The following TNFSF9 variants were observed in gnomAD, a reference collection of about 807,000 sequenced individuals.
The protein encoded by TNFSF9 is tumor necrosis factor ligand superfamily member 9.
TNFSF9 carries 10 observed loss-of-function variants against 10.3 expected under a neutral mutation model. The ratio of observed to expected loss-of-function variants is 0.97; its 90% CI spans 0.60 to 1.65. The LOEUF (loss-of-function observed/expected upper bound fraction) is 1.65, where lower values mean the gene tolerates loss of function less well. TNFSF9 is among the 40% of genes most tolerant of loss of function. The pLI is 0.00. For synonymous variants in TNFSF9, 195 were observed against 176.1 expected (o/e 1.11, Z -0.85); for missense variants, 361 against 348.9 (o/e 1.03, Z -0.28).
At chr19:6,534,039 C>T (rs1915209771) in intron 2 of TNFSF9, among the ~76,000 whole-genome samples, 1 of 134,076 alleles carries the variant, frequency 7.5e-6, no homozygotes, top group African/African-American at 2.7e-5. Flanking sequence ...AGCTCCCTGT[C>T]CACCTCTCCT....
chr19:6,532,514 T>TGTGTGTGTGTTC (rs1915170766), intron 1 of TNFSF9, among the ~76,000 whole-genome samples: 1 of 146,546 alleles, frequency 6.8e-6, no homozygotes, highest in Non-Finnish European at 1.5e-5. Flanking sequence ...TGTGTGTGTT[T>TGTGTGTGTGTTC]GTGTTTGCGT....
chr19:6,535,234 G>A lies in TNFSF9; in HGVS notation c.*168G>A, dbSNP rs920278775. 2.0e-5 allele frequency: 10 copies of A among 508,180 alleles called. No individual in the cohort carries two copies. In the African/African-American group the frequency reaches 2.0e-4, roughly 10 times the overall value. 31.5% of individuals were successfully genotyped at this position (508,180 alleles called of 1,614,324 possible). On this transcript the variant is annotated 3_prime_UTR_variant, in exon 3 of 3. Coordinates refer to ENST00000245817, the MANE Select transcript of TNFSF9 (RefSeq NM_003811.4). The stretch of plus-strand genomic sequence containing the variant: ...CCCTCCTCACCCACTCCTTCCCCAA[G>A]TTGGACCTTGATATTTATTCTGAGC...
Position 6,534,882 on chromosome 19 carries a change from A to G in TNFSF9, c.581A>G (p.Asn194Ser), listed in dbSNP as rs1455891626. The change falls in exon 3 of 3, where the codon AAC becomes AGC. Residue 194 changes from asparagine to serine, a missense_variant. Asn to Ser is a conservative substitution (Grantham distance 46). Transcript: ENST00000245817. The stretch of plus-strand genomic sequence containing the variant: ...CCACCCGCCTCCTCCGAGGCTCGGA[A>G]CTCGGCCTTCGGTTTCCAGGGCCGC... ...DLPPASSEARNSAFGFQGRLL... is the reference protein window; with the variant it reads ...DLPPASSEARSSAFGFQGRLL... 6.2e-7 allele frequency: 1 copy of G among 1,607,738 alleles called. No homozygotes were observed. The highest frequency in any genetic ancestry group is 1.1e-5 in the South Asian group (1 of 90,788).
rs1420536018 is a variant in TNFSF9, at chr19:6,531,069, C to T, written c.33C>T (p.Pro11=). 3 of 1,611,064 alleles carry T rather than the reference C, an allele frequency of 1.9e-6. No individual in the cohort carries two copies. Among genetic ancestry groups the T allele is most frequent in the Non-Finnish European group, 2.5e-6 (3 of 1,179,124 alleles). MEYASDASLD[P]EAPWPPAPRA... ...ACGCCTCTGACGCTTCACTGGACCC[C>T]GAAGCCCCGTGGCCTCCCGCGCCCC... Residue 11 remains proline, a synonymous_variant, in exon 1 of 3, where the codon CCC becomes CCT. Coordinates refer to ENST00000245817, the MANE Select transcript of TNFSF9 (RefSeq NM_003811.4).
At chr19:6,533,283 C>T (rs1915187365) in intron 2 of TNFSF9, among the ~76,000 whole-genome samples, 1 of 124,066 alleles carries the variant, frequency 8.1e-6, no homozygotes, top group African/African-American at 3.9e-5. Flanking sequence ...CCCCTTCCCT[C>T]CCCCTAGACC....
chr19:6,532,790 T>C lies in TNFSF9; in HGVS notation c.272T>C (p.Met91Thr), dbSNP rs777758134. 1 of 1,613,746 alleles carries C rather than the reference T, an allele frequency of 6.2e-7. No individual in the cohort carries two copies. Among genetic ancestry groups the C allele is most frequent in the South Asian group, 1.1e-5 (1 of 91,084 alleles). Residue 91 changes from methionine to threonine, a missense_variant, in exon 2 of 3, where the codon ATG becomes ACG. Transcript: ENST00000245817. ...CCTCCTTTCTACTTTTAACAGGGCA[T>C]GTTTGCGCAGCTGGTGGCCCAAAAT... is the stretch of plus-strand genomic sequence containing the variant. ...PAGLLDLRQG[M>T]FAQLVAQNVL... is the part of the protein sequence containing the mutation.
In TNFSF9 at chr19:6,534,728, G is replaced by T. The variant is rs1235912639; in HGVS notation, c.427G>T (p.Val143Phe). 8 of 1,597,672 alleles carry T rather than the reference G, an allele frequency of 5.0e-6. No homozygotes were observed. In the Admixed American group the frequency reaches 8.7e-5, roughly 17 times the overall value. ...GGTGGCCAAGGCTGGAGTCTACTAT[G>T]TCTTCTTTCAACTAGAGCTGCGGCG... Reference protein sequence around the residue: ...LVVAKAGVYYVFFQLELRRVV... With the variant: ...LVVAKAGVYYFFFQLELRRVV... Residue 143 changes from valine (V) to phenylalanine (F), a missense_variant, in exon 3 of 3, where the codon GTC becomes TTC. By Grantham distance (50) the Val-to-Phe change is conservative (BLOSUM62 -1). Transcript: ENST00000245817.
In TNFSF9 at chr19:6,535,875, G is replaced by C. The variant is rs947302204; in HGVS notation, c.*809G>C. On this transcript the variant is annotated 3_prime_UTR_variant, in exon 3 of 3. Coordinates refer to ENST00000245817, the MANE Select transcript of TNFSF9 (RefSeq NM_003811.4). ...GGAGACGGTATTGCTATGTTGCCAA[G>C]GTTGTTTACATGCCAGTACAATTTA... is the stretch of plus-strand genomic sequence containing the variant. The C allele has an allele frequency of 2.0e-5, 3 of 152,120 alleles. No individual in the cohort carries two copies. Among genetic ancestry groups the C allele is most frequent in the African/African-American group, 7.2e-5 (3 of 41,416 alleles). 9.4% of individuals were successfully genotyped at this position (152,120 alleles called of 1,614,324 possible). A position where few individuals can be genotyped will look rare whatever the true frequency, so the allele number is the denominator to read the frequency against.
At chr19:6,531,634 T>C (rs967932249) in intron 1 of TNFSF9, among the ~76,000 whole-genome samples, 2 of 150,932 alleles carry the variant, frequency 1.3e-5, no homozygotes, top group Middle Eastern at 3.2e-3. Flanking sequence ...ACCCTATCTG[T>C]ATCCCGGGAG....
Position 6,531,150 on chromosome 19 carries a change from G to A in TNFSF9, c.114G>A (p.Leu38=). The change falls in exon 1 of 3, where the codon CTG becomes CTA. Residue 38 remains leucine, a synonymous_variant. Transcript: ENST00000245817. ...PWALVAGLLL[L]LLLAAACAVF... is the part of the protein sequence containing the mutation. ...CCCTGGTCGCGGGGCTGCTGCTGCT[G>A]CTGCTGCTCGCTGCCGCCTGCGCCG... 2 of 1,603,034 alleles carry A rather than the reference G, an allele frequency of 1.2e-6. No individual in the cohort carries two copies. The highest frequency in any genetic ancestry group is 1.1e-5 in the South Asian group (1 of 90,566).
intron 1 of TNFSF9, 39 bp from the exon 2 acceptor site, chr19:6,532,747 G>A (rs1251682295): frequency 6.2e-7 from 1 of 1,613,598 alleles, no homozygotes; most frequent in Admixed American, 1.7e-5. Flanking sequence ...ATTTTCTAGG[G>A]GAACCCCCAT....
intron 2 of TNFSF9, 55 bp downstream of exon 2, chr19:6,532,871 ATACG>A: frequency 6.2e-7 from 1 of 1,611,574 alleles, no homozygotes; most frequent in Admixed American, 1.7e-5. Flanking sequence ...CCACCCCGGG[ATACG>A]AAGAAGGGGG....
Position 6,534,745 on chromosome 19 carries a change from G to A in TNFSF9, c.444G>A (p.Glu148=). ...AGVYYVFFQL[E]LRRVVAGEGS... is the part of the protein sequence containing the mutation. ...TCTACTATGTCTTCTTTCAACTAGA[G>A]CTGCGGCGCGTGGTGGCCGGCGAGG... The change falls in exon 3 of 3, where the codon GAG becomes GAA. Residue 148 remains glutamate, a synonymous_variant. Transcript: ENST00000245817. The A allele has an allele frequency of 6.3e-7, 1 of 1,597,896 alleles. No individual in the cohort carries two copies. Among genetic ancestry groups the A allele is most frequent in the Non-Finnish European group, 8.5e-7 (1 of 1,172,694 alleles).
At chr19:6,534,412 C>A (rs536062773) in intron 2 of TNFSF9, among the ~76,000 whole-genome samples, 188 bp from the exon 3 acceptor site, 37 of 125,928 alleles carry the variant, frequency 2.9e-4, no homozygotes, top group African/African-American at 6.2e-4. Context: ...CAGCACCCCC[C>A]CAACGCCCCC....
chr19:6,534,458 C>T (rs1466602870), intron 2 of TNFSF9, 142 bp from the exon 3 acceptor site: 2 of 696,318 alleles, frequency 2.9e-6, no homozygotes, highest in Non-Finnish European at 4.6e-6. Flanking sequence ...CCCTGTCCCG[C>T]TCCCTGCCCC....
At chr19:6,534,230 C>T (rs1915215332) in intron 2 of TNFSF9, among the ~76,000 whole-genome samples, 1 of 151,266 alleles carries the variant, frequency 6.6e-6, no homozygotes, top group South Asian at 2.1e-4. Flanking sequence ...TCCTGCATGT[C>T]TTTCCCCGCA....
At chr19:6,532,340 T>C (rs987018694) in intron 1 of TNFSF9, among the ~76,000 whole-genome samples, 5 of 150,842 alleles carry the variant, frequency 3.3e-5, no homozygotes, top group African/African-American at 1.2e-4. Flanking sequence ...TGTGTGTTCG[T>C]GTGGGGGTGC....
At chr19:6,532,493 G>A (rs984403827) in intron 1 of TNFSF9, among the ~76,000 whole-genome samples, 3 of 150,862 alleles carry the variant, frequency 2.0e-5, no homozygotes, top group African/African-American at 7.4e-5. Flanking sequence ...GTGTGTGTTC[G>A]TGTGGGTGTT....
intron 2 of TNFSF9, among the ~76,000 whole-genome samples, chr19:6,533,356 C>T (rs1342562117): frequency 1.8e-4 from 25 of 136,682 alleles, no homozygotes; most frequent in African/African-American, 6.7e-4. Context: ...CCAAGACACT[C>T]CTCCCAGCAC....
Sources: gnomAD v4.1 joint callset for allele counts (sites outside exome capture counted in the v4.1 genomes callset) on GRCh38, gnomAD v4.1.1 for gene constraint, MANE v1.5 for transcripts, NCBI Gene and HGNC (gene_info 2026-07-23, HGNC 2026-07-21) for gene names.